The following CNTNAP5 variants were observed in gnomAD, a reference collection of about 807,000 sequenced individuals.
CNTNAP5 encodes the protein contactin-associated protein-like 5.
In CNTNAP5, 72 loss-of-function variants were observed where a neutral mutation model predicts 150.2. The ratio of observed to expected loss-of-function variants is 0.48; its 90% CI spans 0.40 to 0.58. The LOEUF (loss-of-function observed/expected upper bound fraction) is 0.58. CNTNAP5 is among the 20% of genes least tolerant of loss of function. The probability of loss-of-function intolerance (pLI) is 0.00; values close to 1 mark genes in which losing one functional copy is unlikely to be tolerated. For synonymous variants in CNTNAP5, 672 were observed against 619.8 expected (o/e 1.08, Z -1.25); for missense variants, 1,636 against 1,626.2 (o/e 1.01, Z -0.10).
chr2:124,328,572 T>G (rs1689274915), intron 3 of CNTNAP5, among the ~76,000 whole-genome samples: 1 of 152,222 alleles, frequency 6.6e-6, no homozygotes, highest in Admixed American at 6.5e-5. Flanking sequence ...CGTTGTCTTT[T>G]AGCAAGGCTT....
chr2:124,158,690 G>T (rs1025945286), intron 1 of CNTNAP5, among the ~76,000 whole-genome samples: 1 of 152,266 alleles, frequency 6.6e-6, no homozygotes, highest in South Asian at 2.1e-4. Context: ...TGCTATGAGA[G>T]GATATTTTAT....
At chr2:124,121,020 T>C (rs1683547438) in intron 1 of CNTNAP5, among the ~76,000 whole-genome samples, 1 of 152,170 alleles carries the variant, frequency 6.6e-6, no homozygotes, top group Admixed American at 6.5e-5. Flanking sequence ...ACTGTTCATC[T>C]GTATAACAGA....
chr2:124,856,870 T>A (rs1440017427), intron 19 of CNTNAP5, among the ~76,000 whole-genome samples: 3 of 152,192 alleles, frequency 2.0e-5, no homozygotes, highest in Admixed American at 6.5e-5. Flanking sequence ...ACTTAAAGCC[T>A]GGCCAAATAT....
intron 2 of CNTNAP5, among the ~76,000 whole-genome samples, chr2:124,240,370 G>A (rs1239493031): frequency 6.6e-6 from 1 of 152,182 alleles, no homozygotes; most frequent in East Asian, 1.9e-4. Context: ...TGGAGAAGGA[G>A]CACGCTAGCC....
intron 4 of CNTNAP5, among the ~76,000 whole-genome samples, chr2:124,420,649 C>T (rs1692079738): frequency 6.6e-6 from 1 of 152,124 alleles, no homozygotes; most frequent in Admixed American, 6.6e-5. Context: ...TCTGAATGGA[C>T]CTAATTCAGT....
At chr2:124,362,022 T>G (rs1055785861) in intron 3 of CNTNAP5, among the ~76,000 whole-genome samples, 3 of 152,238 alleles carry the variant, frequency 2.0e-5, no homozygotes, top group African/African-American at 7.2e-5. Flanking sequence ...TGCGCCGTTT[T>G]TTAAGCCGGT....
chr2:124,116,456 C>G (rs1327978718), intron 1 of CNTNAP5, among the ~76,000 whole-genome samples: 1 of 152,138 alleles, frequency 6.6e-6, no homozygotes, highest in Non-Finnish European at 1.5e-5. Context: ...GGGCTAGCAG[C>G]TGGACATCCA....
At position 124,335,510 on chromosome 2, in the gene CNTNAP5, G is replaced by C. The variant is rs138745498; in HGVS notation, c.382-81933G>C. ...CACCAAAGTTCTTTTTATGATGAATGACACAAAAAGACAGGGACAGAGCAA... is the reference window on the plus strand; with the variant it reads ...CACCAAAGTTCTTTTTATGATGAATCACACAAAAAGACAGGGACAGAGCAA... On this transcript the variant is annotated intron_variant, in intron 3 of 23. Coordinates refer to ENST00000682447, the MANE Select transcript of CNTNAP5 (RefSeq NM_001367498.1). 5.1e-3 allele frequency among the ~76,000 whole-genome samples: 766 copies of C among 151,028 alleles called. 12 individuals are homozygous for C. Among genetic ancestry groups the C allele is most frequent in the African/African-American group, 0.018 (737 of 41,080 alleles).
intron 3 of CNTNAP5, among the ~76,000 whole-genome samples, chr2:124,344,518 C>T (rs1467809440): frequency 6.6e-6 from 1 of 152,012 alleles, no homozygotes; most frequent in Non-Finnish European, 1.5e-5. Context: ...CCTTGTAATC[C>T]CAACACTGTG....
intron 3 of CNTNAP5, 53 bp from the exon 4 acceptor site, chr2:124,417,390 A>G (rs1482118346): frequency 1.3e-6 from 2 of 1,568,724 alleles, no homozygotes; most frequent in Non-Finnish European, 1.7e-6. Context: ...ATGGTTTTCC[A>G]CTGAAATTCC....
At chr2:124,502,515 C>A (rs1694300994) in intron 7 of CNTNAP5, among the ~76,000 whole-genome samples, 1 of 152,180 alleles carries the variant, frequency 6.6e-6, no homozygotes, top group Admixed American at 6.5e-5. Context: ...CTCTACACAA[C>A]CTCAGACTTT....
intron 11 of CNTNAP5, among the ~76,000 whole-genome samples, chr2:124,579,411 CTTG>C (rs1485887870): frequency 2.0e-5 from 3 of 152,200 alleles, no homozygotes; most frequent in African/African-American, 7.2e-5. Context: ...GCTGGAACTT[CTTG>C]TTGTCCATGG....
At chr2:124,264,450 T>A (rs977448643) in intron 3 of CNTNAP5, among the ~76,000 whole-genome samples, 1 of 150,142 alleles carries the variant, frequency 6.7e-6, no homozygotes, top group African/African-American at 2.5e-5. Flanking sequence ...CCATGGCTAA[T>A]ATCAAGATTA....
chr2:124,375,974 G>C (rs940026835), intron 3 of CNTNAP5, among the ~76,000 whole-genome samples: 2 of 152,016 alleles, frequency 1.3e-5, no homozygotes, highest in African/African-American at 2.4e-5. Context: ...GTCATTCCAG[G>C]CTTTGGCCTG....
At chr2:124,429,098 A>C (rs1267873117) in intron 4 of CNTNAP5, among the ~76,000 whole-genome samples, 1 of 152,214 alleles carries the variant, frequency 6.6e-6, no homozygotes, top group Non-Finnish European at 1.5e-5. Context: ...TCGTTATGAT[A>C]CTACCTCATG....
chr2:124,565,653 G>A (rs1696006059), intron 11 of CNTNAP5, among the ~76,000 whole-genome samples: 1 of 120,674 alleles, frequency 8.3e-6, no homozygotes, highest in African/African-American at 3.2e-5. Context: ...AGGCTGGAGT[G>A]CAGTGGCGCG....
At chr2:124,463,808 G>C (rs1431905913) in intron 6 of CNTNAP5, among the ~76,000 whole-genome samples, 3 of 152,150 alleles carry the variant, frequency 2.0e-5, no homozygotes, top group Non-Finnish European at 4.4e-5. Flanking sequence ...AGGTGTAGAA[G>C]AAGCTAGGGG....
At chr2:124,695,725 A>G (rs1158016695) in intron 13 of CNTNAP5, among the ~76,000 whole-genome samples, 11 of 152,134 alleles carry the variant, frequency 7.2e-5, no homozygotes, top group Admixed American at 7.2e-4. Context: ...GTCCAGATGG[A>G]GGGAGCTAGG....
chr2:124,357,908 T>C (rs984011704), intron 3 of CNTNAP5, among the ~76,000 whole-genome samples: 88 of 151,386 alleles, frequency 5.8e-4, no homozygotes, highest in Non-Finnish European at 1.0e-3. Context: ...AGTATGGCAA[T>C]TTTCATGATA....
Sources: gnomAD v4.1 joint callset for allele counts (sites outside exome capture counted in the v4.1 genomes callset) on GRCh38, gnomAD v4.1.1 for gene constraint, MANE v1.5 for transcripts, NCBI Gene and HGNC (gene_info 2026-07-23, HGNC 2026-07-21) for gene names.